Variants in ERC2 observed in about 807,000 individuals in gnomAD.
ERC2 encodes the protein ERC protein 2.
ERC2 carries 42 observed loss-of-function variants against 114.8 expected under a neutral mutation model. The observed-to-expected ratio is 0.37, with a 90% CI of 0.29 to 0.47. ERC2 has a LOEUF of 0.47. ERC2 is among the 20% of genes least tolerant of loss of function. The probability of loss-of-function intolerance (pLI) is 0.99; values close to 1 mark genes in which losing one functional copy is unlikely to be tolerated. For missense variants in ERC2, 939 were observed against 1,150.7 expected (o/e 0.82, Z 2.66); for synonymous variants, 454 against 425.5 (o/e 1.07, Z -0.82).
At chr3:56,389,907 T>C (rs2060067224) in intron 2 of ERC2, among the ~76,000 whole-genome samples, 1 of 152,190 alleles carries the variant, frequency 6.6e-6, no homozygotes, top group Non-Finnish European at 1.5e-5. Context: ...AACAGCTATA[T>C]AAATCTAACT....
chr3:55,651,308 G>A (rs930149955), intron 17 of ERC2, among the ~76,000 whole-genome samples: 6 of 152,128 alleles, frequency 3.9e-5, no homozygotes, highest in East Asian at 1.9e-4. Context: ...GGAATTGCTC[G>A]TCTAGAACCA....
intron 17 of ERC2, among the ~76,000 whole-genome samples, chr3:55,535,624 A>T (rs2053948949): frequency 6.6e-6 from 1 of 152,070 alleles, no homozygotes; most frequent in Non-Finnish European, 1.5e-5. Flanking sequence ...GGCTGTCTGT[A>T]CCCTCTTCCT....
chr3:56,102,851 A>G lies in ERC2; in HGVS notation c.1474-21867T>C, dbSNP rs187264897. Among the ~76,000 whole-genome samples, 10 of 152,322 alleles carry G rather than the reference A, an allele frequency of 6.6e-5. No homozygotes were observed. In the East Asian group the frequency reaches 1.2e-3, roughly 18 times the overall value. On this transcript the variant is annotated intron_variant, in intron 6 of 17. Coordinates refer to ENST00000288221, the MANE Select transcript of ERC2 (RefSeq NM_015576.3). ...ACCTTGTCAAAAAAAGATGTGCATT[A>G]TTCACTAAAATGATACATTAATACT... is the stretch of plus-strand genomic sequence containing the variant.
chr3:56,064,593 G>A (rs1238510242), intron 7 of ERC2, among the ~76,000 whole-genome samples: 1 of 152,184 alleles, frequency 6.6e-6, no homozygotes, highest in Non-Finnish European at 1.5e-5. Flanking sequence ...CTCACCCTTG[G>A]GAACGAACGA....
intron 17 of ERC2, among the ~76,000 whole-genome samples, chr3:55,540,249 G>T (rs2054305963): frequency 6.6e-6 from 1 of 152,204 alleles, no homozygotes; most frequent in Non-Finnish European, 1.5e-5. Context: ...ATCTTTAAAA[G>T]ACTGTGATTT....
At chr3:55,644,445 C>T (rs2060309667) in intron 17 of ERC2, among the ~76,000 whole-genome samples, 1 of 152,104 alleles carries the variant, frequency 6.6e-6, no homozygotes, top group African/African-American at 2.4e-5. Flanking sequence ...TTAGAAAACC[C>T]AAGTGTCTGA....
intron 7 of ERC2, among the ~76,000 whole-genome samples, chr3:56,070,485 A>G (rs1312055430): frequency 6.6e-6 from 1 of 151,970 alleles, no homozygotes. Context: ...AAAAAAATCC[A>G]TCATAGTGAA....
intron 17 of ERC2, among the ~76,000 whole-genome samples, chr3:55,564,227 C>A (rs2056220746): frequency 6.6e-6 from 1 of 152,094 alleles, no homozygotes; most frequent in South Asian, 2.1e-4. Context: ...ACTAGGAAGG[C>A]ACCATTCTGC....
chr3:55,749,019 TGAG>T (rs1273300365), intron 14 of ERC2, among the ~76,000 whole-genome samples: 1 of 152,222 alleles, frequency 6.6e-6, no homozygotes, highest in African/African-American at 2.4e-5. Flanking sequence ...TGTAAAAGGT[TGAG>T]GTAATTCCCT....
intron 17 of ERC2, among the ~76,000 whole-genome samples, chr3:55,541,828 G>A (rs1179737890): frequency 6.6e-6 from 1 of 152,176 alleles, no homozygotes; most frequent in African/African-American, 2.4e-5. Context: ...TACAAACGTT[G>A]AATATAGACA....
intron 13 of ERC2, among the ~76,000 whole-genome samples, chr3:55,936,008 T>C (rs1473977905): frequency 6.6e-6 from 1 of 152,266 alleles, no homozygotes; most frequent in Non-Finnish European, 1.5e-5. Context: ...TATTCAGTTA[T>C]TCATGCATCT....
chr3:56,279,885 T>G (rs183131079), intron 3 of ERC2, among the ~76,000 whole-genome samples: 1 of 152,080 alleles, frequency 6.6e-6, no homozygotes, highest in African/African-American at 2.4e-5. Context: ...ATACAGAGGG[T>G]ATGGTAAGCT....
chr3:55,534,874 A>T (rs762926354), intron 17 of ERC2, among the ~76,000 whole-genome samples: 1 of 152,198 alleles, frequency 6.6e-6, no homozygotes, highest in Admixed American at 6.5e-5. Context: ...CAAACAGAAC[A>T]GTGATGGCCC....
At chr3:55,514,149 C>T (rs968454437) in intron 17 of ERC2, among the ~76,000 whole-genome samples, 1 of 152,194 alleles carries the variant, frequency 6.6e-6, no homozygotes, top group African/African-American at 2.4e-5. Context: ...GTAATCCTAG[C>T]ACTTTGTGAG....
chr3:55,766,033 C>T (rs1466575518), intron 14 of ERC2, among the ~76,000 whole-genome samples: 1 of 152,046 alleles, frequency 6.6e-6, no homozygotes, highest in Non-Finnish European at 1.5e-5. Context: ...GCTCAGAACC[C>T]CTGTAGGGTA....
At chr3:55,932,666 A>T (rs2066171671) in intron 13 of ERC2, among the ~76,000 whole-genome samples, 1 of 152,254 alleles carries the variant, frequency 6.6e-6, no homozygotes, top group South Asian at 2.1e-4. Flanking sequence ...TTCCCAATAC[A>T]TTCACCACTC....
Position 55,531,627 on chromosome 3 carries a change from A to G in ERC2, c.*40-20351T>C, listed in dbSNP as rs551528535. Among the ~76,000 whole-genome samples the G allele has an allele frequency of 1.1e-3, 162 of 152,334 alleles. 1 individual carries two copies. Among genetic ancestry groups the G allele is most frequent in the African/African-American group, 3.8e-3 (157 of 41,580 alleles). ...ACCTGGTGTATAACCACATGCACAA[A>G]TCACAGATACTCACGATCTCATCAG... On this transcript the variant is annotated intron_variant, in intron 17 of 17. Transcript: ENST00000288221.
chr3:55,742,348 T>A (rs1332486518), intron 14 of ERC2, among the ~76,000 whole-genome samples: 1 of 152,216 alleles, frequency 6.6e-6, no homozygotes. Context: ...TGAAAGAGGA[T>A]CTAAAATTAA....
At chr3:55,820,960 G>A (rs1575710886) in intron 14 of ERC2, among the ~76,000 whole-genome samples, 1 of 152,138 alleles carries the variant, frequency 6.6e-6, no homozygotes, top group South Asian at 2.1e-4. Context: ...GGTTTCCTTG[G>A]CTGCTTGTTC....
Sources: allele counts gnomAD v4.1 joint callset (sites outside exome capture counted in the v4.1 genomes callset), GRCh38; gene constraint gnomAD v4.1.1; transcripts MANE v1.5; gene names NCBI Gene and HGNC (gene_info 2026-07-23, HGNC 2026-07-21).